EPB41L1: variants seen among roughly 807,000 people sequenced by gnomAD.
The protein encoded by EPB41L1 is band 4.1-like protein 1.
EPB41L1 carries 29 observed loss-of-function variants against 97.8 expected under a neutral mutation model. The observed-to-expected ratio is 0.30, with a 90% confidence interval of 0.22 to 0.40. The LOEUF (loss-of-function observed/expected upper bound fraction) is 0.40. Ranked by LOEUF, EPB41L1 falls within the 10% of genes least tolerant of loss-of-function variation. The pLI is 1.00. For missense variants in EPB41L1, 812 were observed against 1,162.3 expected (o/e 0.70, Z 4.38); for synonymous variants, 383 against 459.2 (o/e 0.83, Z 2.12).
At chr20:36,140,250 T>C (rs866073824) in intron 2 of EPB41L1, among the ~76,000 whole-genome samples, 3 of 149,706 alleles carry the variant, frequency 2.0e-5, no homozygotes, top group Non-Finnish European at 4.4e-5. Context: ...TTTTTTTTTT[T>C]AGTAGGGATG....
At chr20:36,109,516 A>G (rs1351349169) in intron 1 of EPB41L1, among the ~76,000 whole-genome samples, 1 of 152,186 alleles carries the variant, frequency 6.6e-6, no homozygotes, top group African/African-American at 2.4e-5. Flanking sequence ...TTGCCACGAC[A>G]GTACTGTTGC....
chr20:36,190,402 G>A lies in EPB41L1; in HGVS notation c.1124+28G>A, dbSNP rs778371043. ...GAGCCTGACCTTGGATGGGGTAATGGGGATGGGGCAGAGGCCATGTGTATG... is the reference window on the plus strand; with the variant it reads ...GAGCCTGACCTTGGATGGGGTAATGAGGATGGGGCAGAGGCCATGTGTATG... On this transcript the variant is annotated intron_variant, in intron 10 of 21. Coordinates refer to ENST00000338074, the MANE Select transcript of EPB41L1 (RefSeq NM_012156.2). This position sits in a 1 kb window ranked among gnomAD's most constrained non-coding sequence, Gnocchi z 5.8. 1 of 1,610,184 alleles carries A rather than the reference G, an allele frequency of 6.2e-7. No individual in the cohort carries two copies. Among genetic ancestry groups the A allele is most frequent in the Admixed American group, 1.7e-5 (1 of 59,762 alleles).
In EPB41L1 at chr20:36,190,859, C is replaced by T. The variant is rs576419233; in HGVS notation, c.1300+62C>T. ...CTTCAGAGGGAACTGGGGGAGTGGG[C>T]ATGCTGGGTTCTGCAGAATGAGCAG... On this transcript the variant is annotated intron_variant, in intron 11 of 21. Transcript: ENST00000338074. The surrounding 1 kb of genome is among the most constrained non-coding windows in gnomAD (Gnocchi z 5.8). 6 of 1,592,240 alleles carry T rather than the reference C, an allele frequency of 3.8e-6. No individual in the cohort carries two copies. Among genetic ancestry groups the T allele is most frequent in the Admixed American group, 1.7e-5 (1 of 58,730 alleles).
chr20:36,189,575 T>A (rs1277041383), intron 9 of EPB41L1, among the ~76,000 whole-genome samples: 1 of 152,202 alleles, frequency 6.6e-6, no homozygotes, highest in Non-Finnish European at 1.5e-5. Context: ...AGCTGGTTCC[T>A]TCCCATTCTT....
At chr20:36,224,828 AT>A (rs903963727) in intron 21 of EPB41L1, among the ~76,000 whole-genome samples, 17 of 149,256 alleles carry the variant, frequency 1.1e-4, no homozygotes, top group Non-Finnish European at 1.8e-4. Flanking sequence ...TAGGAAAAAA[AT>A]TTTTTTTTTT....
At chr20:36,188,581 A>C (rs1447787072) in intron 9 of EPB41L1, 82 bp downstream of exon 9, 12 of 467,426 alleles carry the variant, frequency 2.6e-5, no homozygotes, top group Admixed American at 1.7e-4. Context: ...CTGGACTGCC[A>C]ACACACACAC....
At chr20:36,193,943 C>T (rs1349024987) in intron 11 of EPB41L1, among the ~76,000 whole-genome samples, 1 of 152,210 alleles carries the variant, frequency 6.6e-6, no homozygotes, top group Non-Finnish European at 1.5e-5. Flanking sequence ...GTAACTTACC[C>T]AAGGTCACAC....
chr20:36,212,617 C>A lies in EPB41L1; in HGVS notation c.2184+241C>A, dbSNP rs189517122. On this transcript the variant is annotated intron_variant, in intron 16 of 21. Coordinates refer to ENST00000338074, the MANE Select transcript of EPB41L1 (RefSeq NM_012156.2). The surrounding 1 kb of genome is among the most constrained non-coding windows in gnomAD (Gnocchi z 4.8). ...CTTCTTAAAGCCTCCATTTAGCCAT[C>A]CATAAAATGGGAATGACCCTGTCTA... Among the ~76,000 whole-genome samples the A allele has an allele frequency of 1.1e-3, 172 of 152,310 alleles. 1 individual carries two copies. The highest frequency in any genetic ancestry group is 4.1e-3 in the African/African-American group (169 of 41,570).
At chr20:36,094,078 C>A (rs1363756382) in intron 1 of EPB41L1, among the ~76,000 whole-genome samples, 1 of 152,214 alleles carries the variant, frequency 6.6e-6, no homozygotes, top group African/African-American at 2.4e-5. Context: ...AGTACTGGTG[C>A]ATACAGGCAT....
rs537306337 is a variant in EPB41L1 at position 36,162,494 on chromosome 20, C to T, written c.-15+7598C>T. 2.6e-5 allele frequency among the ~76,000 whole-genome samples: 4 copies of T among 152,244 alleles called. No individual in the cohort carries two copies. The South Asian group carries it at 6.2e-4, about 24-fold the overall frequency. ...AGCCATGTGGCCTTGGCCACTAAGCCGCCTGGGAAATAAGCTCACCTACTC... is the reference window on the plus strand; with the variant it reads ...AGCCATGTGGCCTTGGCCACTAAGCTGCCTGGGAAATAAGCTCACCTACTC... On this transcript the variant is annotated intron_variant, in intron 1 of 21. Transcript: ENST00000338074.
chr20:36,166,166 T>C (rs1434373917), intron 1 of EPB41L1, among the ~76,000 whole-genome samples: 1 of 152,264 alleles, frequency 6.6e-6, no homozygotes, highest in African/African-American at 2.4e-5. Context: ...CTTTGTGTTC[T>C]ATCCATCAGT....
chr20:36,148,031 A>G (rs1250598311), intron 2 of EPB41L1, among the ~76,000 whole-genome samples: 4 of 152,166 alleles, frequency 2.6e-5, no homozygotes, highest in Non-Finnish European at 4.4e-5. Flanking sequence ...GAGATAAGGC[A>G]GAACTCAGCC....
At chr20:36,225,813 C>T (rs573396647) in intron 21 of EPB41L1, among the ~76,000 whole-genome samples, 1 of 152,148 alleles carries the variant, frequency 6.6e-6, no homozygotes, top group Admixed American at 6.6e-5. Flanking sequence ...ATTCAGAGCC[C>T]TCATCCTGGC....
chr20:36,102,144 G>T (rs1271376372), intron 1 of EPB41L1, among the ~76,000 whole-genome samples: 1 of 152,084 alleles, frequency 6.6e-6, no homozygotes, highest in Non-Finnish European at 1.5e-5. Flanking sequence ...CCGAGGTAGG[G>T]CCCCGGAAGC....
At chr20:36,117,952 T>C (rs1172409228) in intron 2 of EPB41L1, among the ~76,000 whole-genome samples, 4 of 152,248 alleles carry the variant, frequency 2.6e-5, no homozygotes, top group Non-Finnish European at 5.9e-5. Flanking sequence ...TCAGCTAACA[T>C]AACAGGCTAG....
chr20:36,111,978 C>A (rs974150351), intron 1 of EPB41L1, among the ~76,000 whole-genome samples: 1 of 152,066 alleles, frequency 6.6e-6, no homozygotes, highest in Non-Finnish European at 1.5e-5. Flanking sequence ...TCTAGTCCAC[C>A]AGCAAGTTCT....
intron 2 of EPB41L1, among the ~76,000 whole-genome samples, chr20:36,147,760 T>C (rs1236771371): frequency 3.3e-5 from 5 of 152,190 alleles, no homozygotes; most frequent in Admixed American, 3.3e-4. Context: ...TCCTGTTGCC[T>C]CTCACTGCTC....
intron 1 of EPB41L1, chr20:36,109,783 A>T (rs1363423269): frequency 6.6e-6 from 1 of 152,192 alleles, no homozygotes; most frequent in African/African-American, 2.4e-5. Flanking sequence ...ACACAGCCGG[A>T]ACCTGAATGC....
chr20:36,154,367 G>A (rs913045344), upstream of EPB41L1, among the ~76,000 whole-genome samples: 2 of 152,154 alleles, frequency 1.3e-5, no homozygotes, highest in Non-Finnish European at 2.9e-5. This position sits in a 1 kb window ranked among gnomAD's most constrained non-coding sequence, Gnocchi z 5.5. Context: ...AGAGCAAGGA[G>A]GCCCGGGGCT....
Sources: allele counts gnomAD v4.1 joint callset (sites outside exome capture counted in the v4.1 genomes callset), GRCh38; gene constraint gnomAD v4.1.1; non-coding constraint Gnocchi (gnomAD v3.1); transcripts MANE v1.5; gene names NCBI Gene and HGNC (gene_info 2026-07-23, HGNC 2026-07-21).